THAP7: variants seen among roughly 807,000 people sequenced by gnomAD.
THAP7 encodes THAP domain containing 7.
THAP7 carries 22 observed loss-of-function variants against 29.2 expected under a neutral mutation model. The observed-to-expected ratio is 0.75, with a 90% CI of 0.54 to 1.08. THAP7 has a LOEUF of 1.08. Ranked by LOEUF, THAP7 falls within the 50% of genes least tolerant of loss-of-function variation. The pLI is 0.00. For synonymous variants in THAP7, 208 were observed against 173.4 expected, an observed-to-expected ratio of 1.20 and a Z score of -1.57; for missense variants, 448 against 416.2, an observed-to-expected ratio of 1.08 and a Z score of -0.66.
chr22:21,001,506 G>T, intron 1 of THAP7, 95 bp from the exon 2 acceptor site: 1 of 1,501,660 alleles, frequency 6.7e-7, no homozygotes. Context: ...CCCAACACGC[G>T]CCGCCACGAG....
At position 21,000,339 on chromosome 22, in the gene THAP7, G is replaced by A; in HGVS notation, c.471C>T (p.Ala157=). 6.4e-7 allele frequency: 1 copy of A among 1,553,844 alleles called. No homozygotes were observed. The highest frequency in any genetic ancestry group is 8.7e-7 in the Non-Finnish European group (1 of 1,148,628). ...TCCCAGCTGGGGAGGCCGGCAAAGT[G>A]GCAGGTGCTGAGGCCTCTTCCACAG... ...CFPVEEASAP[A]TLPASPAGRL... The change falls in exon 4 of 4, where the codon GCC becomes GCT. Residue 157 remains alanine, a synonymous_variant. Coordinates refer to ENST00000215742, the MANE Select transcript of THAP7 (RefSeq NM_030573.3).
In THAP7 at chr22:21,001,870, G is replaced by A. The variant is rs183339375; in HGVS notation, c.42C>T (p.Asp14=). 317 of 1,571,764 alleles carry A rather than the reference G, an allele frequency of 2.0e-4. 1 individual carries two copies. The African/African-American group carries it at 2.8e-3, about 14-fold the overall frequency. ...HCSAAGCCTR[D]TRETRNRGIS... is the part of the protein sequence containing the mutation. ...TGCCGCGGTTGCGCGTCTCGCGCGT[G>A]TCCCGTGTGCAGCAGCCGGCGGCGG... Residue 14 remains aspartate, a synonymous_variant, in exon 1 of 4, where the codon GAC becomes GAT. Transcript: ENST00000215742.
At position 20,999,521 on chromosome 22, in the gene THAP7, G is replaced by A. The variant is rs1297076846; in HGVS notation, c.*359C>T. ...CTGTTTCAGATCCTATGGAAAGGGC[G>A]CCTGGAGCTGTCTTCCTGGCCCCTA... On this transcript the variant is annotated 3_prime_UTR_variant, in exon 4 of 4. Coordinates refer to ENST00000215742, the MANE Select transcript of THAP7 (RefSeq NM_030573.3). The A allele has an allele frequency of 2.9e-5, 7 of 241,176 alleles. No individual in the cohort carries two copies. Among genetic ancestry groups the A allele is most frequent in the East Asian group, 9.6e-5 (1 of 10,416 alleles). 14.9% of individuals were successfully genotyped at this position (241,176 alleles called of 1,614,324 possible).
intron 1 of THAP7, 200 bp downstream of exon 1, chr22:21,001,632 G>A (rs1183788927): frequency 4.5e-6 from 4 of 887,038 alleles, no homozygotes; most frequent in African/African-American, 3.4e-5. Flanking sequence ...AGAGTGGGGC[G>A]GGTCCAAGCC....
In THAP7 at chr22:21,000,636, A is replaced by G. The variant is rs777858908; in HGVS notation, c.377+11T>C. 6 of 1,613,970 alleles carry G rather than the reference A, an allele frequency of 3.7e-6. 1 individual carries two copies. Among genetic ancestry groups the G allele is most frequent in the Middle Eastern group, 1.6e-4 (1 of 6,062 alleles). ...GGTGGGAGTGGGGCATCCCCCACCC[A>G]TATCACATACCGCTTCCTGCATCGT... is the stretch of plus-strand genomic sequence containing the variant. On this transcript the variant is annotated intron_variant, in intron 3 of 3. Coordinates refer to ENST00000215742, the MANE Select transcript of THAP7 (RefSeq NM_030573.3).
Position 21,000,220 on chromosome 22 carries a change from G to A in THAP7, c.590C>T (p.Pro197Leu), listed in dbSNP as rs1378580558. 2 of 1,558,454 alleles carry A rather than the reference G, an allele frequency of 1.3e-6. No individual in the cohort carries two copies. Among genetic ancestry groups the A allele is most frequent in the Non-Finnish European group, 1.7e-6 (2 of 1,151,090 alleles). Residue 197 changes from proline to leucine, a missense_variant, in exon 4 of 4, where the codon CCA (proline) becomes CTA (leucine). Physicochemically the swap from Pro to Leu is moderately conservative, Grantham distance 98 (BLOSUM62 -3). Coordinates refer to ENST00000215742, the MANE Select transcript of THAP7 (RefSeq NM_030573.3). ...TTCGAGAGGGGAGGGCTGCCGCTCT[G>A]GTGAAGGCTGGGCGCTGCAGCCTGC... ...DEAGCSAQPS[P>L]ERQPSPLEPR...
In THAP7 at chr22:21,001,012, TTC is replaced by T. The variant is rs1388088155; in HGVS notation, c.237-227_237-226del. The T allele has an allele frequency of 2.3e-6, 2 of 858,220 alleles. 1 individual carries two copies. The highest frequency in any genetic ancestry group is 3.4e-5 in the African/African-American group (2 of 58,646). 53.2% of individuals were successfully genotyped at this position (858,220 alleles called of 1,614,324 possible). ...AGCTGGGCTGACCAGCCAGAAAGAA[TTC>T]TTTGATTTGTGGACTTGCTGGCAAG... On this transcript the variant is annotated intron_variant, in intron 2 of 3. Coordinates refer to ENST00000215742, the MANE Select transcript of THAP7 (RefSeq NM_030573.3).
chr22:20,999,818 G>A lies in THAP7; in HGVS notation c.*62C>T. ...TTATGGCACCTGGTGGGTCTGGTGG[G>A]ATCTGAGGGAGGAAGAGGCTGCAGT... On this transcript the variant is annotated 3_prime_UTR_variant, in exon 4 of 4. Transcript: ENST00000215742. 1 of 1,534,064 alleles carries A rather than the reference G, an allele frequency of 6.5e-7. No individual in the cohort carries two copies. Among genetic ancestry groups the A allele is most frequent in the Non-Finnish European group, 8.7e-7 (1 of 1,144,042 alleles).
At chr22:21,000,809 A>G (rs1925122623) in intron 2 of THAP7, 22 bp from the exon 3 acceptor site, 1 of 1,613,474 alleles carries the variant, frequency 6.2e-7, no homozygotes, top group Non-Finnish European at 8.5e-7. Flanking sequence ...AGCAACCCAG[A>G]TGAGCTGGAG....
Position 20,999,983 on chromosome 22 carries a change from T to A in THAP7, c.827A>T (p.Gln276Leu). 8 of 1,612,858 alleles carry A rather than the reference T, an allele frequency of 5.0e-6. No homozygotes were observed. The highest frequency in any genetic ancestry group is 6.8e-6 in the Non-Finnish European group (8 of 1,179,952). The change falls in exon 4 of 4, where the codon CAG becomes CTG. Residue 276 changes from glutamine (Q) to leucine (L), a missense_variant. By Grantham distance (113) the Gln-to-Leu change is moderately radical. Coordinates refer to ENST00000215742, the MANE Select transcript of THAP7 (RefSeq NM_030573.3). ...CCGCTTCTCCCGTGCCCGCTCCTGC[T>A]GCAGCTTGGTCAGTCTCAACCGCAG... Reference protein sequence around the residue: ...QRLRLRLTKLQQERAREKRAQ... With the variant: ...QRLRLRLTKLLQERAREKRAQ...
At chr22:21,001,621 CAG>C in intron 1 of THAP7, 1 of 895,860 alleles carries the variant, frequency 1.1e-6, no homozygotes, top group Non-Finnish European at 1.6e-6. Context: ...TGGCAGGTAA[CAG>C]AGTGGGGCGG....
chr22:21,001,276 G>A lies in THAP7; in HGVS notation c.216C>T (p.Cys72=), dbSNP rs1925149659. The change falls in exon 2 of 4, where the codon TGC becomes TGT. Residue 72 remains cysteine, a synonymous_variant. Transcript: ENST00000215742. ...CCCACCTGATTCCCACCAGCTCAAA[G>A]CAGTCCTCCTCAAAGTGTTTGGAGC... is the stretch of plus-strand genomic sequence containing the variant. ...YFCSKHFEED[C]FELVGISGYH... 3 of 1,614,078 alleles carry A rather than the reference G, an allele frequency of 1.9e-6. No homozygotes were observed. In the East Asian group the frequency reaches 6.7e-5, roughly 36 times the overall value.
rs1422604958 is a variant in THAP7 at position 21,000,041 on chromosome 22, G to C, written c.769C>G (p.Gln257Glu). 3.7e-6 allele frequency: 6 copies of C among 1,612,972 alleles called. No individual in the cohort carries two copies. The highest frequency in any genetic ancestry group is 5.1e-6 in the Non-Finnish European group (6 of 1,179,956). Reference sequence around the variant, plus strand: ...TCCCGCCGCTTGCAGGCCTGCAGCTGGCGCTGGGCCTTGTCAAGGGCATCA... The same window carrying C: ...TCCCGCCGCTTGCAGGCCTGCAGCTCGCGCTGGGCCTTGTCAAGGGCATCA... The part of the protein sequence containing the change: ...ALDALDKAQR[Q>E]LQACKRREQR... The change falls in exon 4 of 4, where the codon CAG becomes GAG. Residue 257 changes from glutamine to glutamate, a missense_variant. Gln to Glu is a conservative substitution (Grantham distance 29). Transcript: ENST00000215742.
Position 20,999,988 on chromosome 22 carries a change from C to A in THAP7, c.822G>T (p.Lys274Asn). The change falls in exon 4 of 4, where the codon AAG (lysine) becomes AAT (asparagine). Residue 274 changes from lysine to asparagine, a missense_variant. Physicochemically the swap from Lys to Asn is moderately conservative, Grantham distance 94. Coordinates refer to ENST00000215742, the MANE Select transcript of THAP7 (RefSeq NM_030573.3). Reference protein sequence around the residue: ...REQRLRLRLTKLQQERAREKR... With the variant: ...REQRLRLRLTNLQQERAREKR... ...TCTCCCGTGCCCGCTCCTGCTGCAG[C>A]TTGGTCAGTCTCAACCGCAGCCGCT... The A allele has an allele frequency of 6.2e-7, 1 of 1,612,832 alleles. No homozygotes were observed. Among genetic ancestry groups the A allele is most frequent in the Admixed American group, 1.7e-5 (1 of 60,026 alleles).
chr22:20,999,593 G>C lies in THAP7; in HGVS notation c.*287C>G, dbSNP rs1368082515. The C allele has an allele frequency of 8.5e-6, 4 of 471,142 alleles. 1 individual carries two copies. The highest frequency in any genetic ancestry group is 7.8e-5 in the African/African-American group (4 of 51,244). 29.2% of individuals were successfully genotyped at this position (471,142 alleles called of 1,614,324 possible). ...AGAGAACCCTGTGGGGCACGGAGCT[G>C]CGCTAGCAGGGCTGACTGCCACCTG... is the stretch of plus-strand genomic sequence containing the variant. On this transcript the variant is annotated 3_prime_UTR_variant, in exon 4 of 4. Transcript: ENST00000215742.
intron 2 of THAP7, 38 bp from the exon 3 acceptor site, chr22:21,000,825 G>A: frequency 6.2e-7 from 1 of 1,612,044 alleles, no homozygotes; most frequent in Non-Finnish European, 8.5e-7. Flanking sequence ...TGGAGAGCAA[G>A]TGCTGCCTCC....
At chr22:21,000,856 C>A in intron 2 of THAP7, 69 bp from the exon 3 acceptor site, 1 of 1,600,700 alleles carries the variant, frequency 6.2e-7, no homozygotes, top group Non-Finnish European at 8.5e-7. Context: ...CTGCCCCCAG[C>A]AGCAGCGCCG....
chr22:21,000,778 G>A lies in THAP7; in HGVS notation c.246C>T (p.His82=), dbSNP rs1601727443. 2 of 1,614,182 alleles carry A rather than the reference G, an allele frequency of 1.2e-6. No individual in the cohort carries two copies. The highest frequency in any genetic ancestry group is 1.3e-5 in the African/African-American group (1 of 75,050). The change falls in exon 3 of 4, where the codon CAC becomes CAT. Residue 82 remains histidine (H), a synonymous_variant. Transcript: ENST00000215742. ...TGGGGACTGCCCCCTCCTTTAGCCT[G>A]TGATATCCACTGCGGGGAAAAGCAA... ...CFELVGISGY[H]RLKEGAVPTI...
chr22:21,001,458 G>A (rs1382055511), intron 1 of THAP7, 47 bp from the exon 2 acceptor site: 2 of 1,593,806 alleles, frequency 1.3e-6, no homozygotes, highest in South Asian at 1.1e-5. Flanking sequence ...ACAGCCCTGG[G>A]CTCATGCTGC....
Sources: allele counts gnomAD v4.1 joint callset, GRCh38; gene constraint gnomAD v4.1.1; transcripts MANE v1.5; gene names NCBI Gene and HGNC (gene_info 2026-07-23, HGNC 2026-07-21).